The following PLAC8L1 variants were observed in gnomAD, a reference collection of about 807,000 sequenced individuals.
The protein encoded by PLAC8L1 is PLAC8-like protein 1.
Under a neutral mutation model 16.3 loss-of-function variants are expected in PLAC8L1, and 13 were observed. That is an observed-to-expected ratio of 0.80 (90% CI 0.52 to 1.27). PLAC8L1 has a LOEUF of 1.27. Among genes scored for constraint, PLAC8L1 ranks in the 50% most tolerant of loss-of-function variants. PLAC8L1 has a pLI of 0.00. For synonymous variants in PLAC8L1, 78 were observed against 79.3 expected (o/e 0.98, Z 0.09); for missense variants, 184 against 220.2 (o/e 0.84, Z 1.04).
At chr5:146,102,948 G>A (rs1763845732) in intron 1 of PLAC8L1, among the ~76,000 whole-genome samples, 1 of 152,206 alleles carries the variant, frequency 6.6e-6, no homozygotes, top group East Asian at 1.9e-4. Context: ...TCAGGATCCT[G>A]TGTATGCTCT....
At chr5:146,091,926 A>T (rs937524914) in intron 2 of PLAC8L1, among the ~76,000 whole-genome samples, 1 of 151,978 alleles carries the variant, frequency 6.6e-6, no homozygotes, top group African/African-American at 2.4e-5. Context: ...TAAGAAGCTC[A>T]GGTTCAAAAG....
intron 2 of PLAC8L1, among the ~76,000 whole-genome samples, chr5:146,086,614 G>A (rs993812350): frequency 6.6e-6 from 1 of 152,202 alleles, no homozygotes; most frequent in African/African-American, 2.4e-5. Flanking sequence ...CATTTTGAGA[G>A]TACAATGATA....
chr5:146,099,263 C>T lies in PLAC8L1; in HGVS notation c.120-971G>A, dbSNP rs551837904. 2.0e-5 allele frequency: 3 copies of T among 152,220 alleles called. 1 individual carries two copies. Among genetic ancestry groups the T allele is most frequent in the South Asian group, 4.1e-4 (2 of 4,822 alleles). 9.4% of individuals were successfully genotyped at this position (152,220 alleles called of 1,614,324 possible). A position where few individuals can be genotyped will look rare whatever the true frequency, so the allele number is the denominator to read the frequency against. On this transcript the variant is annotated intron_variant, in intron 1 of 3. Coordinates refer to ENST00000311450, the MANE Select transcript of PLAC8L1 (RefSeq NM_001029869.3). ...TGTTTTGTGCTTCTCTTTCAGCAAGCCTCATTAAGATTTTGCACCTGTTTT... is the reference window on the plus strand; with the variant it reads ...TGTTTTGTGCTTCTCTTTCAGCAAGTCTCATTAAGATTTTGCACCTGTTTT...
intron 1 of PLAC8L1, 66 bp from the exon 2 acceptor site, chr5:146,098,358 A>C (rs1763752933): frequency 6.5e-7 from 1 of 1,527,156 alleles, no homozygotes; most frequent in Admixed American, 1.8e-5. Flanking sequence ...CCATTAAGCC[A>C]AGTCAGAACC....
intron 2 of PLAC8L1, among the ~76,000 whole-genome samples, chr5:146,094,578 G>T (rs1431624133): frequency 1.3e-5 from 2 of 152,090 alleles, no homozygotes; most frequent in African/African-American, 4.8e-5. Flanking sequence ...CCCAAAGCTG[G>T]ATTGCCCAGT....
At chr5:146,101,952 T>C (rs1763825211) in intron 1 of PLAC8L1, among the ~76,000 whole-genome samples, 1 of 152,174 alleles carries the variant, frequency 6.6e-6, no homozygotes, top group Non-Finnish European at 1.5e-5. Flanking sequence ...TAGCAAGGAA[T>C]GCTGTATTCT....
intron 2 of PLAC8L1, among the ~76,000 whole-genome samples, chr5:146,088,783 C>G (rs563974072): frequency 6.6e-6 from 1 of 152,146 alleles, no homozygotes; most frequent in Non-Finnish European, 1.5e-5. Flanking sequence ...GCAGGCCCCA[C>G]CCAGCCCGGA....
chr5:146,094,746 G>T (rs1411369606), intron 2 of PLAC8L1, among the ~76,000 whole-genome samples: 1 of 152,142 alleles, frequency 6.6e-6, no homozygotes, highest in Non-Finnish European at 1.5e-5. Context: ...GTGGGAAGAA[G>T]GAAGCACTTA....
intron 2 of PLAC8L1, 93 bp downstream of exon 2, chr5:146,098,063 T>C: frequency 7.3e-7 from 1 of 1,370,506 alleles, no homozygotes; most frequent in South Asian, 1.5e-5. Context: ...AACATTTAAT[T>C]TCTGTCCTTG....
intron 2 of PLAC8L1, among the ~76,000 whole-genome samples, chr5:146,090,299 C>T (rs942160089): frequency 5.3e-5 from 8 of 151,652 alleles, no homozygotes; most frequent in African/African-American, 1.5e-4. Flanking sequence ...TTTGAGAGGC[C>T]GAGGCGGGTG....
chr5:146,102,952 A>G (rs893272609), intron 1 of PLAC8L1, among the ~76,000 whole-genome samples: 93 of 152,286 alleles, frequency 6.1e-4, no homozygotes, highest in African/African-American at 1.9e-3. Context: ...GATCCTGTGT[A>G]TGCTCTAGGG....
chr5:146,090,668 A>T (rs553383754), intron 2 of PLAC8L1, among the ~76,000 whole-genome samples: 1 of 152,358 alleles, frequency 6.6e-6, no homozygotes, highest in African/African-American at 2.4e-5. Flanking sequence ...ACAAATGGCC[A>T]GTAACGAAGG....
chr5:146,103,816 G>A (rs1383129208), intron 1 of PLAC8L1: 1 of 985,364 alleles, frequency 1.0e-6, no homozygotes, highest in Non-Finnish European at 1.2e-6. Flanking sequence ...TTGGAGTATT[G>A]TGAAATCATT....
intron 2 of PLAC8L1, among the ~76,000 whole-genome samples, chr5:146,093,524 T>C (rs1763658626): frequency 6.6e-6 from 1 of 152,194 alleles, no homozygotes; most frequent in South Asian, 2.1e-4. Context: ...TGACTCGCAA[T>C]ATCCCTTCTA....
intron 1 of PLAC8L1, 106 bp from the exon 2 acceptor site, chr5:146,098,398 C>T: frequency 8.1e-6 from 9 of 1,113,892 alleles, no homozygotes; most frequent in Non-Finnish European, 5.0e-6. Context: ...CCAATGATGC[C>T]AAGGGGCTCA....
intron 1 of PLAC8L1, among the ~76,000 whole-genome samples, chr5:146,102,671 C>G (rs934342654): frequency 9.9e-5 from 15 of 152,182 alleles, no homozygotes; most frequent in Admixed American, 9.2e-4. Context: ...AGAAGATGCT[C>G]ATTTACCTAT....
At chr5:146,084,719 T>C (rs1289476556) in intron 3 of PLAC8L1, 147 bp from the exon 4 acceptor site, 5 of 1,026,126 alleles carry the variant, frequency 4.9e-6, no homozygotes, top group African/African-American at 1.6e-5. Flanking sequence ...GGACACTAAG[T>C]TGCATAAGTG....
At chr5:146,103,169 CT>C (rs1763850170) in intron 1 of PLAC8L1, among the ~76,000 whole-genome samples, 1 of 152,054 alleles carries the variant, frequency 6.6e-6, no homozygotes, top group Non-Finnish European at 1.5e-5. Flanking sequence ...TCTCTTCTTT[CT>C]TTTTTTGAGA....
At chr5:146,092,668 G>A (rs1763641902) in intron 2 of PLAC8L1, among the ~76,000 whole-genome samples, 1 of 150,614 alleles carries the variant, frequency 6.6e-6, no homozygotes. Context: ...CAGCATCCCA[G>A]GCAGCTGGGA....
Sources: gnomAD v4.1 joint callset for allele counts (sites outside exome capture counted in the v4.1 genomes callset) on GRCh38, gnomAD v4.1.1 for gene constraint, MANE v1.5 for transcripts, NCBI Gene and HGNC (gene_info 2026-07-23, HGNC 2026-07-21) for gene names.